Variants in SMAP2 observed in about 807,000 individuals in gnomAD.
The protein encoded by SMAP2 is small ArfGAP2, also known as stromal membrane-associated protein 2.
Under a neutral mutation model 56.4 loss-of-function variants are expected in SMAP2, and 25 were observed. That is an observed-to-expected ratio of 0.44 (90% CI 0.32 to 0.62). SMAP2 has a LOEUF of 0.62. SMAP2 is among the 20% of genes least tolerant of loss of function. SMAP2 has a pLI of 0.04. For missense variants in SMAP2, 388 were observed against 545.6 expected, an observed-to-expected ratio of 0.71 and a Z score of 2.88; for synonymous variants, 157 against 181.7, an observed-to-expected ratio of 0.86 and a Z score of 1.09.
At position 40,416,722 on chromosome 1, in the gene SMAP2, C is replaced by T. The variant is rs779513593; in HGVS notation, c.848-58C>T. On this transcript the variant is annotated intron_variant, in intron 8 of 9. Coordinates refer to ENST00000372718, the MANE Select transcript of SMAP2 (RefSeq NM_022733.3). The stretch of plus-strand genomic sequence containing the variant: ...TGGAAAGGGTTAGCCAGGGAGAGTT[C>T]GGGCTGACTTTATGTTTTTCCCTCT... 726 of 1,516,860 alleles carry T rather than the reference C, an allele frequency of 4.8e-4. 1 individual carries two copies. Among genetic ancestry groups the T allele is most frequent in the Admixed American group, 5.7e-4 (31 of 54,596 alleles). The allele number at this position is 1,516,860 out of a possible 1,614,324, so 94.0% of individuals were successfully genotyped here. A position where few individuals can be genotyped will look rare whatever the true frequency, so the allele number is the denominator to read the frequency against.
chr1:40,350,472 G>A (rs115206678), intron 1 of SMAP2, among the ~76,000 whole-genome samples: 3,663 of 152,320 alleles, frequency 0.024, 71 homozygotes, highest in Middle Eastern at 0.044. Context: ...GAACAGAAGA[G>A]GGTGGGCTGG....
At chr1:40,380,241 C>T (rs1644583567) in intron 1 of SMAP2, among the ~76,000 whole-genome samples, 2 of 152,306 alleles carry the variant, frequency 1.3e-5, no homozygotes, top group Admixed American at 6.5e-5. Flanking sequence ...TAAGCCAAAA[C>T]CATTTCCTAT....
At chr1:40,371,285 CAA>C (rs530991506), upstream of SMAP2, among the ~76,000 whole-genome samples, 1 of 146,624 alleles carries the variant, frequency 6.8e-6, no homozygotes, top group African/African-American at 2.5e-5. Context: ...TTCAAGACTT[CAA>C]AAAAAAAAAT....
chr1:40,378,577 G>T (rs1196515470), intron 1 of SMAP2, among the ~76,000 whole-genome samples: 2 of 152,206 alleles, frequency 1.3e-5, no homozygotes, highest in East Asian at 3.8e-4. Context: ...CTCCCAGAGT[G>T]CTGGGATTAC....
chr1:40,374,801 C>A lies in SMAP2; in HGVS notation c.103+578C>A, dbSNP rs149390968. 187 of 1,550,056 alleles carry A rather than the reference C, an allele frequency of 1.2e-4. 1 individual carries two copies. In the African/African-American group the frequency reaches 2.1e-3, roughly 17 times the overall value. On this transcript the variant is annotated intron_variant, in intron 1 of 9. Coordinates refer to ENST00000372718, the MANE Select transcript of SMAP2 (RefSeq NM_022733.3). The surrounding 1 kb of genome is among the most constrained non-coding windows in gnomAD (Gnocchi z 5.9). Reference sequence around the variant, plus strand: ...ACAAGAGTGCTTAGGTGACTTTATTCTTCTGGATGTGTGCAGTGGGAAACT... The same window carrying A: ...ACAAGAGTGCTTAGGTGACTTTATTATTCTGGATGTGTGCAGTGGGAAACT...
Position 40,422,006 on chromosome 1 carries a change from T to A in SMAP2, c.1195T>A (p.Tyr399Asn). 6.2e-7 allele frequency: 1 copy of A among 1,614,200 alleles called. No individual in the cohort carries two copies. Among genetic ancestry groups the A allele is most frequent in the Non-Finnish European group, 8.5e-7 (1 of 1,180,028 alleles). Residue 399 changes from tyrosine (Y) to asparagine (N), a missense_variant, in exon 10 of 10, where the codon TAT becomes AAT. Tyr to Asn is a moderately radical substitution (Grantham distance 143, BLOSUM62 -2). Transcript: ENST00000372718. ...MTQQMAGMNF[Y>N]GANGMMNYGQ... ...CCAGCAGATGGCTGGGATGAACTTC[T>A]ATGGAGCCAATGGCATGATGAACTA...
chr1:40,384,448 G>A (rs1644633893), intron 1 of SMAP2, among the ~76,000 whole-genome samples: 1 of 152,160 alleles, frequency 6.6e-6, no homozygotes, highest in South Asian at 2.1e-4. Flanking sequence ...CCAAGTTGTG[G>A]CTACTTGTTT....
In SMAP2 at chr1:40,414,082, CGTGGCTTTACA is replaced by C. The variant is rs375721680; in HGVS notation, c.490-72_490-62del. On this transcript the variant is annotated intron_variant, in intron 5 of 9. Transcript: ENST00000372718. Reference sequence around the variant, plus strand: ...ACAGCAGCCCTACCCACAAGAACACCGTGGCTTTACAGTGGAGATGGGAAAAGAGTTCAAAA... The same window carrying C: ...ACAGCAGCCCTACCCACAAGAACACCGTGGAGATGGGAAAAGAGTTCAAAA... The C allele has an allele frequency of 1.0e-4, 135 of 1,298,074 alleles. No homozygotes were observed. In the African/African-American group the frequency reaches 1.7e-3, roughly 16 times the overall value. The allele number at this position is 1,298,074 out of a possible 1,614,324, so 80.4% of individuals were successfully genotyped here.
chr1:40,399,590 T>A (rs1255145491), intron 1 of SMAP2, among the ~76,000 whole-genome samples: 1 of 150,346 alleles, frequency 6.7e-6, no homozygotes, highest in Admixed American at 6.6e-5. Context: ...TAGTCCCAGC[T>A]ACTTGGGAGA....
intron 1 of SMAP2, among the ~76,000 whole-genome samples, chr1:40,351,372 T>A (rs1042437294): frequency 6.6e-6 from 1 of 152,232 alleles, no homozygotes; most frequent in African/African-American, 2.4e-5. Flanking sequence ...ATCTCAGCTC[T>A]GGTCTGAACT....
rs893705333 is a variant in SMAP2, at chr1:40,421,980, C to T, written c.1169C>T (p.Thr390Ile). Residue 390 changes from threonine to isoleucine, a missense_variant, in exon 10 of 10, where the codon ACC becomes ATC. Physicochemically the swap from Thr to Ile is moderately conservative, Grantham distance 89. Coordinates refer to ENST00000372718, the MANE Select transcript of SMAP2 (RefSeq NM_022733.3). ...AGTCTCCTCTCTCCCTTTCAGATGA[C>T]CCAGCAGATGGCTGGGATGAACTTC... Reference protein sequence around the residue: ...QQLQWNLTQMTQQMAGMNFYG... With the variant: ...QQLQWNLTQMIQQMAGMNFYG... 19 of 1,614,146 alleles carry T rather than the reference C, an allele frequency of 1.2e-5. No homozygotes were observed. Among genetic ancestry groups the T allele is most frequent in the Non-Finnish European group, 1.6e-5 (19 of 1,180,002 alleles).
At chr1:40,377,625 A>C (rs1048081135) in intron 1 of SMAP2, among the ~76,000 whole-genome samples, 3 of 152,140 alleles carry the variant, frequency 2.0e-5, no homozygotes, top group Non-Finnish European at 4.4e-5. Flanking sequence ...AAAATTCCAG[A>C]TATGTCAATG....
Position 40,408,790 on chromosome 1 carries a change from G to C in SMAP2, c.323+52G>C. ...GCTGAGTGGTATTTTGATGCTTGGG[G>C]AGAGTCAGACAAGACTCCAGTCCTG... On this transcript the variant is annotated intron_variant, in intron 3 of 9. Transcript: ENST00000372718. The surrounding 1 kb of genome is among the most constrained non-coding windows in gnomAD (Gnocchi z 4.3). The C allele has an allele frequency of 1.4e-6, 2 of 1,456,860 alleles. No homozygotes were observed. Among genetic ancestry groups the C allele is most frequent in the Non-Finnish European group, 1.9e-6 (2 of 1,037,708 alleles). 90.2% of individuals were successfully genotyped at this position (1,456,860 alleles called of 1,614,324 possible). A position where few individuals can be genotyped will look rare whatever the true frequency, so the allele number is the denominator to read the frequency against.
intron 1 of SMAP2, among the ~76,000 whole-genome samples, chr1:40,345,721 G>GT (rs1644382656): frequency 6.6e-6 from 1 of 151,044 alleles, no homozygotes; most frequent in Non-Finnish European, 1.5e-5. Flanking sequence ...CTCTCTCATT[G>GT]TTTTTTAATA....
chr1:40,420,843 A>G (rs1001083343), intron 9 of SMAP2, among the ~76,000 whole-genome samples: 5 of 152,240 alleles, frequency 3.3e-5, no homozygotes, highest in Non-Finnish European at 7.3e-5. Context: ...TCAGGAAGAA[A>G]TGGAAGGAAG....
intron 1 of SMAP2, among the ~76,000 whole-genome samples, chr1:40,404,849 A>G (rs1644870393): frequency 6.6e-6 from 1 of 152,046 alleles, no homozygotes; most frequent in Admixed American, 6.6e-5. Flanking sequence ...TTGACGTGAC[A>G]CTCTCCCACA....
At position 40,360,332 on chromosome 1, in the gene SMAP2, C is replaced by T. The variant is rs553017925; in HGVS notation, c.-82-1968C>T. ...TTTTTTTTTTTTTTTGAGATAAAGT[C>T]TTACTCTGTTGCCCAGGCTGGAGTG... On this transcript the variant is annotated intron_variant, in intron 1 of 6. Transcript: ENST00000435168. 4.6e-3 allele frequency among the ~76,000 whole-genome samples: 607 copies of T among 131,922 alleles called. 4 individuals are homozygous for T. Among genetic ancestry groups the T allele is most frequent in the African/African-American group, 0.017 (590 of 34,990 alleles). The allele number at this position is 131,922 out of a possible 152,430, so 86.5% of individuals were successfully genotyped here.
At chr1:40,369,467 A>G (rs1266474907), upstream of SMAP2, among the ~76,000 whole-genome samples, 3 of 151,310 alleles carry the variant, frequency 2.0e-5, no homozygotes, top group African/African-American at 4.9e-5. Context: ...CTACAAGGCT[A>G]CAATAACCAA....
At chr1:40,358,063 C>T (rs1446824924) in intron 1 of SMAP2, among the ~76,000 whole-genome samples, 1 of 151,938 alleles carries the variant, frequency 6.6e-6, no homozygotes, top group Non-Finnish European at 1.5e-5. Context: ...AATCCATGAA[C>T]ATGGAATACG....
Sources: gnomAD v4.1 joint callset for allele counts (sites outside exome capture counted in the v4.1 genomes callset) on GRCh38, gnomAD v4.1.1 for gene constraint, Gnocchi (gnomAD v3.1) non-coding constraint, MANE v1.5 for transcripts, NCBI Gene and HGNC (gene_info 2026-07-23, HGNC 2026-07-21) for gene names.